Variants in CPEB4 observed in about 807,000 individuals in gnomAD.
CPEB4 encodes the protein cytoplasmic polyadenylation element-binding protein 4.
A neutral mutation model predicts 72.5 loss-of-function variants in CPEB4; 12 were observed. That is an observed-to-expected ratio of 0.17 (90% CI 0.11 to 0.27). CPEB4 has a LOEUF of 0.27. Among genes scored for constraint, CPEB4 ranks in the 10% least tolerant of loss-of-function variants. The probability of loss-of-function intolerance (pLI) is 1.00; values close to 1 mark genes in which losing one functional copy is unlikely to be tolerated. For synonymous variants in CPEB4, 302 were observed against 326.3 expected (o/e 0.93, Z 0.80); for missense variants, 614 against 908.5 (o/e 0.68, Z 4.17).
rs1212513404 is a variant in CPEB4, at chr5:173,932,529, A to C, written c.1258+29A>C. 7.0e-6 allele frequency: 11 copies of C among 1,571,302 alleles called. 1 individual carries two copies. The Middle Eastern group carries it at 5.0e-4, about 71-fold the overall frequency. ...AGTGATAATTGATTTACCCTAGTGAAGTGCACAAAACTGATACAGTAGTTG... is the reference window on the plus strand; with the variant it reads ...AGTGATAATTGATTTACCCTAGTGACGTGCACAAAACTGATACAGTAGTTG... On this transcript the variant is annotated intron_variant, in intron 3 of 9. Transcript: ENST00000265085.
chr5:173,941,205 C>CT (rs1757825632), intron 3 of CPEB4, among the ~76,000 whole-genome samples: 1 of 152,146 alleles, frequency 6.6e-6, no homozygotes, highest in African/African-American at 2.4e-5. Context: ...ACTCCCTAAT[C>CT]TTTGAAGCAG....
At position 173,959,483 on chromosome 5, in the gene CPEB4, G is replaced by C. The variant is rs780462696; in HGVS notation, c.*3346G>C. ...AGAGTTGAATCTTCTGTTAAAAGGT[G>C]ATTTAAAACTTGAATGTGATGAATT... On this transcript the variant is annotated 3_prime_UTR_variant, in exon 10 of 10. Coordinates refer to ENST00000265085, the MANE Select transcript of CPEB4 (RefSeq NM_030627.4). The C allele has an allele frequency of 6.5e-6, 1 of 152,734 alleles. No individual in the cohort carries two copies. Among genetic ancestry groups the C allele is most frequent in the African/African-American group, 2.4e-5 (1 of 41,452 alleles). The allele number at this position is 152,734 out of a possible 1,614,324, so 9.5% of individuals were successfully genotyped here.
chr5:173,945,273 C>A, intron 5 of CPEB4, 133 bp downstream of exon 5: 1 of 704,734 alleles, frequency 1.4e-6, no homozygotes, highest in Non-Finnish European at 2.3e-6. Flanking sequence ...TTGTCCTATC[C>A]TCCTATCATG....
chr5:173,949,023 A>G (rs149874909), intron 5 of CPEB4, among the ~76,000 whole-genome samples: 2 of 152,344 alleles, frequency 1.3e-5, no homozygotes, highest in Non-Finnish European at 2.9e-5. Context: ...ACAAGAAAGA[A>G]CATGGAGCTG....
At chr5:173,910,722 T>C (rs1462539782) in intron 2 of CPEB4, 118 bp downstream of exon 2, 5 of 684,278 alleles carry the variant, frequency 7.3e-6, no homozygotes, top group African/African-American at 5.5e-5. Context: ...CAGTAAGTTC[T>C]ATCAATTTTA....
chr5:173,911,729 T>G (rs540603094), intron 2 of CPEB4, among the ~76,000 whole-genome samples: 3 of 151,364 alleles, frequency 2.0e-5, no homozygotes, highest in African/African-American at 7.3e-5. Context: ...GTTTGGTATA[T>G]TTGGTCATCC....
chr5:173,951,797 A>C (rs770029447), intron 7 of CPEB4, 27 bp from the exon 8 acceptor site: 41 of 1,359,704 alleles, frequency 3.0e-5, no homozygotes, highest in Non-Finnish European at 4.1e-5. Flanking sequence ...ATTGAGAATG[A>C]GACATTTTGG....
At position 173,955,643 on chromosome 5, in the gene CPEB4, T is replaced by G. The variant is rs1758355813; in HGVS notation, c.1963-267T>G. Among the ~76,000 whole-genome samples, 1 of 152,224 alleles carries G rather than the reference T, an allele frequency of 6.6e-6. No individual in the cohort carries two copies. The highest frequency in any genetic ancestry group is 2.1e-4 in the South Asian group (1 of 4,838). ...TCTCATAACATTCTAGTCTAAACAG[T>G]TGGCTTCACTTCATGATGTCTGCTC... On this transcript the variant is annotated intron_variant, in intron 9 of 9. Transcript: ENST00000265085. This position sits in a 1 kb window ranked among gnomAD's most constrained non-coding sequence, Gnocchi z 4.7.
intron 2 of CPEB4, among the ~76,000 whole-genome samples, chr5:173,915,114 G>A (rs964789101): frequency 2.0e-5 from 3 of 152,066 alleles, no homozygotes; most frequent in African/African-American, 7.2e-5. Context: ...TTCCCTTACT[G>A]TAATGCGGTT....
chr5:173,892,054 C>A (rs1299721277), intron 1 of CPEB4, among the ~76,000 whole-genome samples: 1 of 151,694 alleles, frequency 6.6e-6, no homozygotes, highest in Middle Eastern at 3.2e-3. Context: ...TAGAGGGTTA[C>A]TTTAGAAATA....
At chr5:173,901,875 G>A (rs1581112872) in intron 1 of CPEB4, among the ~76,000 whole-genome samples, 1 of 152,298 alleles carries the variant, frequency 6.6e-6, no homozygotes, top group East Asian at 1.9e-4. Context: ...ATGAAAATGA[G>A]TGAAGCTCAT....
At position 173,956,178 on chromosome 5, in the gene CPEB4, G is replaced by T; in HGVS notation, c.*41G>T. 1 of 1,511,064 alleles carries T rather than the reference G, an allele frequency of 6.6e-7. No individual in the cohort carries two copies. 93.6% of individuals were successfully genotyped at this position (1,511,064 alleles called of 1,614,324 possible). A position where few individuals can be genotyped will look rare whatever the true frequency, so the allele number is the denominator to read the frequency against. ...CTCATTTTCAGGCCTCAGAATAAGT[G>T]CACTCTTCTGTTCATTCTGACCCCT... On this transcript the variant is annotated 3_prime_UTR_variant, in exon 10 of 10. Coordinates refer to ENST00000265085, the MANE Select transcript of CPEB4 (RefSeq NM_030627.4).
intron 1 of CPEB4, among the ~76,000 whole-genome samples, chr5:173,904,841 C>T (rs2113156282): frequency 6.6e-6 from 1 of 151,912 alleles, no homozygotes; most frequent in South Asian, 2.1e-4. Flanking sequence ...TACAGTAGCT[C>T]ATGTCTATAG....
At chr5:173,915,193 ATTTC>A (rs1449943480) in intron 2 of CPEB4, among the ~76,000 whole-genome samples, 17 of 152,298 alleles carry the variant, frequency 1.1e-4, no homozygotes, top group African/African-American at 3.8e-4. Flanking sequence ...CAGTTTTTGA[ATTTC>A]TTTATGAATG....
chr5:173,951,944 A>T lies in CPEB4; in HGVS notation c.1780+6A>T. 6.3e-7 allele frequency: 1 copy of T among 1,578,104 alleles called. No homozygotes were observed. The highest frequency in any genetic ancestry group is 1.3e-5 in the African/African-American group (1 of 74,354). On this transcript the variant is annotated splice_donor_region_variant and intron_variant, in intron 8 of 9. Coordinates refer to ENST00000265085, the MANE Select transcript of CPEB4 (RefSeq NM_030627.4). ...TCCTCGACCATTACGAGCTGGTATG[A>T]TTAAACAAACGACAAACTCTCTACC... is the stretch of plus-strand genomic sequence containing the variant.
chr5:173,927,158 A>G (rs1757271589), intron 2 of CPEB4, among the ~76,000 whole-genome samples: 2 of 152,170 alleles, frequency 1.3e-5, no homozygotes, highest in Admixed American at 6.5e-5. Flanking sequence ...CTGAAAAAAT[A>G]AAATAAAAAA....
chr5:173,914,974 T>C (rs1756813418), intron 2 of CPEB4, among the ~76,000 whole-genome samples: 2 of 152,220 alleles, frequency 1.3e-5, no homozygotes, highest in South Asian at 4.1e-4. Context: ...TTTGTGTGTG[T>C]ATGTGTTTAA....
Position 173,955,276 on chromosome 5 carries a change from T to C in CPEB4, c.1963-634T>C, listed in dbSNP as rs2113307904. 6.6e-6 allele frequency among the ~76,000 whole-genome samples: 1 copy of C among 152,132 alleles called. No individual in the cohort carries two copies. Among genetic ancestry groups the C allele is most frequent in the African/African-American group, 2.4e-5 (1 of 41,506 alleles). ...TTCACCTCTGACTTTTAGACTCAGG[T>C]GAACCATTCTTACTGAGAAAGAACA... On this transcript the variant is annotated intron_variant, in intron 9 of 9. Coordinates refer to ENST00000265085, the MANE Select transcript of CPEB4 (RefSeq NM_030627.4). This position sits in a 1 kb window ranked among gnomAD's most constrained non-coding sequence, Gnocchi z 4.7.
rs1193418112 is a variant in CPEB4, at chr5:173,961,335, A to G, written c.*5198A>G. 1 of 152,246 alleles carries G rather than the reference A, an allele frequency of 6.6e-6. No individual in the cohort carries two copies. Among genetic ancestry groups the G allele is most frequent in the Non-Finnish European group, 1.5e-5 (1 of 68,036 alleles). 9.4% of individuals were successfully genotyped at this position (152,246 alleles called of 1,614,324 possible). A position where few individuals can be genotyped will look rare whatever the true frequency, so the allele number is the denominator to read the frequency against. On this transcript the variant is annotated 3_prime_UTR_variant, in exon 10 of 10. Transcript: ENST00000265085. The stretch of plus-strand genomic sequence containing the variant: ...TGGTTTCACTATTTTAAGAAAAGAA[A>G]AAAAAGATAGCCCAAGCATATTTAG...
Sources: allele counts gnomAD v4.1 joint callset (sites outside exome capture counted in the v4.1 genomes callset), GRCh38; gene constraint gnomAD v4.1.1; non-coding constraint Gnocchi (gnomAD v3.1); transcripts MANE v1.5; gene names NCBI Gene and HGNC (gene_info 2026-07-23, HGNC 2026-07-21).